Variants in RNF115 observed in about 807,000 individuals in gnomAD.
RNF115 encodes E3 ubiquitin-protein ligase RNF115.
A neutral mutation model predicts 39.2 loss-of-function variants in RNF115; 31 were observed. The ratio of observed to expected loss-of-function variants is 0.79; its 90% CI spans 0.59 to 1.07. RNF115 has a LOEUF of 1.07. RNF115 is among the 50% of genes least tolerant of loss of function. The pLI is 0.00. For synonymous variants in RNF115, 124 were observed against 131.0 expected, an observed-to-expected ratio of 0.95 and a Z score of 0.37; for missense variants, 384 against 381.7, an observed-to-expected ratio of 1.01 and a Z score of -0.05.
In RNF115 at chr1:145,744,285, T is replaced by C. The variant is rs1361804064; in HGVS notation, c.*2581A>G. 6.6e-6 allele frequency: 1 copy of C among 152,304 alleles called. No homozygotes were observed. The highest frequency in any genetic ancestry group is 1.5e-5 in the Non-Finnish European group (1 of 68,044). The allele number at this position is 152,304 out of a possible 1,614,324, so 9.4% of individuals were successfully genotyped here. ...ACATAGCCTTCCTCCATCTAAGTAG[T>C]GGCCAAATATTCATAATACACCTCT... is the stretch of plus-strand genomic sequence containing the variant. On this transcript the variant is annotated 3_prime_UTR_variant, in exon 9 of 9. Transcript: ENST00000582693.
chr1:145,760,142 G>A (rs140997424), intron 4 of RNF115, among the ~76,000 whole-genome samples: 14 of 152,226 alleles, frequency 9.2e-5, no homozygotes, highest in African/African-American at 3.4e-4. Flanking sequence ...AATAAATTAA[G>A]AGACCTCTTA....
At chr1:145,777,102 T>C (rs1301034726) in intron 3 of RNF115, among the ~76,000 whole-genome samples, 1 of 152,222 alleles carries the variant, frequency 6.6e-6, no homozygotes, top group Non-Finnish European at 1.5e-5. Context: ...GACTCCTCCA[T>C]GTTCTCAATC....
At chr1:145,787,546 T>C (rs1316085644) in intron 2 of RNF115, among the ~76,000 whole-genome samples, 1 of 121,112 alleles carries the variant, frequency 8.3e-6, no homozygotes, top group Admixed American at 1.1e-4. Flanking sequence ...CACTCCAGCC[T>C]GGGCAAAAGA....
chr1:145,769,681 C>T (rs1363115079), intron 4 of RNF115, among the ~76,000 whole-genome samples: 1 of 148,928 alleles, frequency 6.7e-6, no homozygotes, highest in African/African-American at 2.5e-5. Flanking sequence ...TTCCCAGTTC[C>T]TTTTATGAAA....
Position 145,748,114 on chromosome 1 carries a change from T to C in RNF115, c.668-4A>G, listed in dbSNP as rs1657943660. ...ACTGGACACTCTAAACCCATATCTGTTGAAGAAGGAAATGCCTTTTAAAGT... is the reference window on the plus strand; with the variant it reads ...ACTGGACACTCTAAACCCATATCTGCTGAAGAAGGAAATGCCTTTTAAAGT... On this transcript the variant is annotated splice_region_variant and splice_polypyrimidine_tract_variant and intron_variant, in intron 7 of 8. Transcript: ENST00000582693. 6.2e-7 allele frequency: 1 copy of C among 1,601,676 alleles called. No homozygotes were observed. Among genetic ancestry groups the C allele is most frequent in the Non-Finnish European group, 8.6e-7 (1 of 1,168,996 alleles).
At chr1:145,787,399 C>T (rs1379607651) in intron 2 of RNF115, among the ~76,000 whole-genome samples, 2 of 151,626 alleles carry the variant, frequency 1.3e-5, no homozygotes, top group African/African-American at 4.8e-5. Context: ...CGGTGAAACC[C>T]CATCTCTACT....
At chr1:145,748,167 C>T (rs1559101756) in intron 7 of RNF115, 57 bp from the exon 8 acceptor site, 2 of 1,215,214 alleles carry the variant, frequency 1.6e-6, no homozygotes. Flanking sequence ...GAAGAAAAAA[C>T]TAACCCAATG....
Position 145,823,893 on chromosome 1 carries a change from C to G in RNF115, c.-20G>C. ...CGCCATTTTTGCCCTCCGCCGCGGC[C>G]GTCCGAGAGGGCAGCCGGCCCGTCC... On this transcript the variant is annotated 5_prime_UTR_variant, in exon 1 of 9. Transcript: ENST00000582693. The G allele has an allele frequency of 6.7e-7, 1 of 1,501,496 alleles. No homozygotes were observed. The highest frequency in any genetic ancestry group is 8.9e-7 in the Non-Finnish European group (1 of 1,124,254). 93.0% of individuals were successfully genotyped at this position (1,501,496 alleles called of 1,614,324 possible).
chr1:145,794,813 T>C (rs1489543682), intron 1 of RNF115, among the ~76,000 whole-genome samples: 1 of 151,744 alleles, frequency 6.6e-6, no homozygotes, highest in African/African-American at 2.4e-5. Context: ...GTCAGGAGAT[T>C]GAGACTATCC....
At chr1:145,795,363 G>C in intron 1 of RNF115, among the ~76,000 whole-genome samples, 1 of 152,234 alleles carries the variant, frequency 6.6e-6, no homozygotes, top group East Asian at 1.9e-4. Flanking sequence ...GACCCAAGCT[G>C]CTTGCTGCTG....
At chr1:145,810,934 C>T (rs1165140595) in intron 1 of RNF115, among the ~76,000 whole-genome samples, 4 of 149,290 alleles carry the variant, frequency 2.7e-5, no homozygotes, top group African/African-American at 5.0e-5. Flanking sequence ...GGTGTGATCA[C>T]GGTTCACTAC....
intron 2 of RNF115, among the ~76,000 whole-genome samples, chr1:145,786,608 A>T (rs587729311): frequency 3.9e-5 from 6 of 152,340 alleles, no homozygotes; most frequent in Non-Finnish European, 8.8e-5. Context: ...ACAGTTAATC[A>T]TTCTCATTTA....
At chr1:145,750,121 T>A (rs987264490) in intron 7 of RNF115, among the ~76,000 whole-genome samples, 5 of 152,158 alleles carry the variant, frequency 3.3e-5, no homozygotes, top group Non-Finnish European at 7.4e-5. Flanking sequence ...TCTTTGTACC[T>A]CTTTATTCCC....
intron 1 of RNF115, among the ~76,000 whole-genome samples, chr1:145,793,076 T>C (rs1467408771): frequency 1.3e-5 from 2 of 152,196 alleles, no homozygotes; most frequent in Non-Finnish European, 2.9e-5. Flanking sequence ...CTTAATACTT[T>C]GGGAGGCTGA....
At chr1:145,774,322 T>C (rs1291002782) in intron 3 of RNF115, among the ~76,000 whole-genome samples, 6 of 151,966 alleles carry the variant, frequency 3.9e-5, no homozygotes, top group Non-Finnish European at 8.8e-5. Context: ...TTTGGTGTTT[T>C]AGAAATCCAG....
In RNF115 at chr1:145,803,451, G is replaced by A. The variant is rs587656015; in HGVS notation, c.103-14485C>T. Among the ~76,000 whole-genome samples the A allele has an allele frequency of 3.9e-4, 60 of 152,222 alleles. 1 individual carries two copies. In the South Asian group the frequency reaches 0.012, roughly 31 times the overall value. ...GTTGCCCAGGCTGGAATGCAGTGGC[G>A]TGATCTTGGCTCACTGCAAACTCTG... is the stretch of plus-strand genomic sequence containing the variant. On this transcript the variant is annotated intron_variant, in intron 1 of 8. Transcript: ENST00000582693.
chr1:145,803,044 AGTACAAATACT>A (rs1204841871), intron 1 of RNF115, among the ~76,000 whole-genome samples: 3 of 152,182 alleles, frequency 2.0e-5, no homozygotes, highest in Admixed American at 2.0e-4. Context: ...CTCTTTCTAG[AGTACAAATACT>A]GTCCTCACTG....
At chr1:145,788,067 T>C (rs1169418240) in intron 2 of RNF115, among the ~76,000 whole-genome samples, 2 of 152,054 alleles carry the variant, frequency 1.3e-5, no homozygotes, top group East Asian at 1.9e-4. Context: ...CCTGGAAAGA[T>C]GGCCTAAGTT....
intron 3 of RNF115, among the ~76,000 whole-genome samples, chr1:145,782,312 A>G (rs1249899378): frequency 2.0e-5 from 3 of 152,134 alleles, no homozygotes; most frequent in African/African-American, 7.2e-5. Context: ...GGAGAGTGCT[A>G]TGTATGAAAC....
Sources: allele counts gnomAD v4.1 joint callset (sites outside exome capture counted in the v4.1 genomes callset), GRCh38; gene constraint gnomAD v4.1.1; transcripts MANE v1.5; gene names NCBI Gene and HGNC (gene_info 2026-07-23, HGNC 2026-07-21).